CADPS: variants seen among roughly 807,000 people sequenced by gnomAD.
The protein encoded by CADPS is calcium dependent secretion activator.
Under a neutral mutation model 167.3 loss-of-function variants are expected in CADPS, and 57 were observed. The ratio of observed to expected loss-of-function variants is 0.34; its 90% CI spans 0.28 to 0.42. The LOEUF (loss-of-function observed/expected upper bound fraction) is 0.42. CADPS is among the 20% of genes least tolerant of loss of function. CADPS has a pLI of 1.00. For synonymous variants in CADPS, 676 were observed against 635.3 expected (o/e 1.06, Z -0.96); for missense variants, 1,414 against 1,738.1 (o/e 0.81, Z 3.32).
At chr3:62,587,294 A>G (rs1051745315) in intron 7 of CADPS, among the ~76,000 whole-genome samples, 2 of 152,232 alleles carry the variant, frequency 1.3e-5, no homozygotes, top group Non-Finnish European at 2.9e-5. Flanking sequence ...GCAACATATC[A>G]TAGGACAGAT....
chr3:62,465,226 AT>A lies in CADPS; in HGVS notation c.3636+140del. On this transcript the variant is annotated intron_variant, in intron 26 of 29. Transcript: ENST00000383710. The surrounding 1 kb of genome is among the most constrained non-coding windows in gnomAD (Gnocchi z 4.1). Reference sequence around the variant, plus strand: ...TGTTATTAAATGTTTGGCTTTTCACATAGTGTTAATATTATACAATAGTTGA... The same window carrying A: ...TGTTATTAAATGTTTGGCTTTTCACAAGTGTTAATATTATACAATAGTTGA... The A allele has an allele frequency of 1.9e-6, 1 of 523,238 alleles. No individual in the cohort carries two copies. The highest frequency in any genetic ancestry group is 3.5e-6 in the Non-Finnish European group (1 of 288,990). 32.4% of individuals were successfully genotyped at this position (523,238 alleles called of 1,614,324 possible).
intron 3 of CADPS, among the ~76,000 whole-genome samples, chr3:62,683,524 T>A (rs1305054867): frequency 6.6e-6 from 1 of 152,084 alleles, no homozygotes; most frequent in Non-Finnish European, 1.5e-5. Context: ...TTCCTGTCTA[T>A]CCCACACCCA....
At chr3:62,590,191 GA>G (rs3074310) in intron 7 of CADPS, among the ~76,000 whole-genome samples, 70,115 of 141,416 alleles carry the variant, frequency 0.5, 19,559 homozygotes, top group East Asian at 0.63. Flanking sequence ...TCCAGCTAAA[GA>G]AAAAAAAAAA....
At chr3:62,868,452 A>C (rs572096903) in intron 1 of CADPS, among the ~76,000 whole-genome samples, 15 of 152,216 alleles carry the variant, frequency 9.9e-5, no homozygotes, top group African/African-American at 3.1e-4. Flanking sequence ...AATCCATAAA[A>C]ACTCAGGCCC....
intron 3 of CADPS, among the ~76,000 whole-genome samples, chr3:62,730,605 G>A (rs2077582184): frequency 6.6e-6 from 1 of 152,120 alleles, no homozygotes; most frequent in African/African-American, 2.4e-5. Context: ...TAAACATTCT[G>A]CCATGAATAT....
intron 3 of CADPS, among the ~76,000 whole-genome samples, chr3:62,687,541 G>GGTT (rs1186410934): frequency 6.6e-6 from 1 of 151,972 alleles, no homozygotes; most frequent in African/African-American, 2.4e-5. Context: ...AGAAAGGGAA[G>GGTT]GTTGTGAGAC....
chr3:62,798,669 C>T (rs1419254782), intron 1 of CADPS, among the ~76,000 whole-genome samples: 2 of 144,820 alleles, frequency 1.4e-5, no homozygotes, highest in African/African-American at 5.8e-5. Flanking sequence ...TAAAGTTCAG[C>T]CCAAATGTTA....
chr3:62,609,518 G>C (rs1204021047), intron 6 of CADPS, among the ~76,000 whole-genome samples: 1 of 152,154 alleles, frequency 6.6e-6, no homozygotes, highest in Non-Finnish European at 1.5e-5. Flanking sequence ...TATAAATGTG[G>C]ACTTTGTAGT....
In CADPS at chr3:62,544,657, G is replaced by T. The variant is rs1225965974; in HGVS notation, c.1966+5246C>A. On this transcript the variant is annotated intron_variant, in intron 11 of 29. Coordinates refer to ENST00000383710, the MANE Select transcript of CADPS (RefSeq NM_003716.4). The surrounding 1 kb of genome is among the most constrained non-coding windows in gnomAD (Gnocchi z 4.4). ...AAAGCCAAGGAGAGGAGGCAATTAT[G>T]CACACATCACATGCATCCTAGTTTC... 1.3e-5 allele frequency among the ~76,000 whole-genome samples: 2 copies of T among 152,128 alleles called. No homozygotes were observed. The highest frequency in any genetic ancestry group is 2.9e-5 in the Non-Finnish European group (2 of 68,004).
intron 28 of CADPS, among the ~76,000 whole-genome samples, chr3:62,419,535 C>T (rs2050868778): frequency 6.6e-6 from 1 of 152,132 alleles, no homozygotes; most frequent in Non-Finnish European, 1.5e-5. Context: ...GTGGCACATC[C>T]TACCACCCAT....
intron 4 of CADPS, among the ~76,000 whole-genome samples, chr3:62,657,719 T>C (rs1190278452): frequency 6.6e-6 from 1 of 152,194 alleles, no homozygotes; most frequent in Non-Finnish European, 1.5e-5. Context: ...CTCTGTCTGA[T>C]GATTCGTGAG....
chr3:62,826,560 A>G (rs1166111490), intron 1 of CADPS, among the ~76,000 whole-genome samples: 1 of 152,174 alleles, frequency 6.6e-6, no homozygotes, highest in Admixed American at 6.6e-5. Context: ...GTGGTCTGGG[A>G]AAAGTAACTT....
At chr3:62,841,767 G>T (rs1436980182) in intron 1 of CADPS, among the ~76,000 whole-genome samples, 1 of 152,148 alleles carries the variant, frequency 6.6e-6, no homozygotes, top group South Asian at 2.1e-4. Context: ...ACATCCCCTT[G>T]TAATACTGGT....
At chr3:62,487,955 C>T (rs2150997688) in intron 21 of CADPS, among the ~76,000 whole-genome samples, 1 of 152,236 alleles carries the variant, frequency 6.6e-6, no homozygotes, top group Admixed American at 6.5e-5. Flanking sequence ...CATTACATTG[C>T]ATTTCATTAC....
intron 16 of CADPS, chr3:62,513,673 A>G (rs1469043793): frequency 6.3e-7 from 1 of 1,593,908 alleles, no homozygotes; most frequent in South Asian, 1.1e-5. Context: ...GGCCAAGCAG[A>G]AGACAGGATG....
At chr3:62,445,295 GT>G (rs201010860) in intron 27 of CADPS, among the ~76,000 whole-genome samples, 1 of 151,820 alleles carries the variant, frequency 6.6e-6, no homozygotes, top group African/African-American at 2.4e-5. Context: ...GAATTTATTT[GT>G]TTTTTTTATT....
At chr3:62,729,078 A>C (rs761580668) in intron 3 of CADPS, among the ~76,000 whole-genome samples, 2 of 151,988 alleles carry the variant, frequency 1.3e-5, no homozygotes, top group African/African-American at 2.4e-5. Flanking sequence ...TTTTGTATTT[A>C]ACCCCTTGGC....
chr3:62,772,579 T>G (rs143134650), intron 1 of CADPS, among the ~76,000 whole-genome samples: 18 of 152,330 alleles, frequency 1.2e-4, no homozygotes, highest in African/African-American at 4.3e-4. Context: ...AACAAATGTT[T>G]GTAAACACCC....
At chr3:62,463,932 C>T (rs1357202796) in intron 26 of CADPS, among the ~76,000 whole-genome samples, 1 of 152,076 alleles carries the variant, frequency 6.6e-6, no homozygotes, top group Non-Finnish European at 1.5e-5. Flanking sequence ...TTTAAATGTT[C>T]TGTTTATATT....
Sources: gnomAD v4.1 joint callset for allele counts (sites outside exome capture counted in the v4.1 genomes callset) on GRCh38, gnomAD v4.1.1 for gene constraint, Gnocchi (gnomAD v3.1) non-coding constraint, MANE v1.5 for transcripts, NCBI Gene and HGNC (gene_info 2026-07-23, HGNC 2026-07-21) for gene names.